Variants in TRAPPC9 observed in about 807,000 individuals in gnomAD.
TRAPPC9 encodes the protein trafficking protein particle complex subunit 9, also known as IKK2 binding protein.
A neutral mutation model predicts 124.0 loss-of-function variants in TRAPPC9; 83 were observed. That is an observed-to-expected ratio of 0.67 (90% CI 0.56 to 0.80). The LOEUF is 0.80. Ranked by LOEUF, TRAPPC9 falls within the 30% of genes least tolerant of loss-of-function variation. TRAPPC9 has a pLI of 0.00. For missense variants in TRAPPC9, 1,302 were observed against 1,508.3 expected (o/e 0.86, Z 2.27); for synonymous variants, 638 against 617.5 (o/e 1.03, Z -0.49).
intron 18 of TRAPPC9, among the ~76,000 whole-genome samples, chr8:140,005,578 C>A (rs1486429746): frequency 6.6e-6 from 1 of 152,052 alleles, no homozygotes; most frequent in Admixed American, 6.6e-5. Flanking sequence ...TCAATCAGCA[C>A]GGCTTATTGG....
chr8:140,314,302 G>T (rs1484219892), intron 9 of TRAPPC9, among the ~76,000 whole-genome samples: 4 of 152,038 alleles, frequency 2.6e-5, no homozygotes, highest in African/African-American at 7.2e-5. Flanking sequence ...TCCATTGATT[G>T]TTATCACATC....
intron 21 of TRAPPC9, among the ~76,000 whole-genome samples, chr8:139,756,711 A>T (rs1819831836): frequency 7.7e-6 from 1 of 130,274 alleles, no homozygotes; most frequent in Non-Finnish European, 1.6e-5. Context: ...GGCTTTGGGG[A>T]TGAGGACAGC....
chr8:139,882,752 T>G (rs1349635319), intron 21 of TRAPPC9, among the ~76,000 whole-genome samples: 1 of 152,186 alleles, frequency 6.6e-6, no homozygotes, highest in African/African-American at 2.4e-5. Flanking sequence ...CATCATCTCA[T>G]GTAATCCCTG....
In TRAPPC9 at chr8:140,104,892, T is replaced by C. The variant is rs555836025; in HGVS notation, c.2557-80813A>G. Among the ~76,000 whole-genome samples the C allele has an allele frequency of 6.6e-6, 1 of 152,350 alleles. No homozygotes were observed. Among genetic ancestry groups the C allele is most frequent in the Admixed American group, 6.5e-5 (1 of 15,310 alleles). ...GTGTTAATGGCGACATTTAACGACA[T>C]GGAGCTCCCTGAGTTGACTCTGCCT... On this transcript the variant is annotated intron_variant, in intron 17 of 22. Transcript: ENST00000438773. The surrounding 1 kb of genome is among the most constrained non-coding windows in gnomAD (Gnocchi z 4.0).
intron 5 of TRAPPC9, among the ~76,000 whole-genome samples, chr8:140,415,134 C>G (rs2069869258): frequency 6.6e-6 from 1 of 151,924 alleles, no homozygotes; most frequent in Non-Finnish European, 1.5e-5. Flanking sequence ...TCTCTTGAGC[C>G]CAGGAATTCT....
At chr8:139,869,608 C>G (rs1005404726) in intron 21 of TRAPPC9, among the ~76,000 whole-genome samples, 3 of 152,188 alleles carry the variant, frequency 2.0e-5, no homozygotes, top group Non-Finnish European at 4.4e-5. Context: ...ATTTTCAACT[C>G]AATACACTTA....
At chr8:139,808,353 C>T (rs1042054753) in intron 21 of TRAPPC9, among the ~76,000 whole-genome samples, 2 of 152,128 alleles carry the variant, frequency 1.3e-5, no homozygotes, top group African/African-American at 4.8e-5. Flanking sequence ...CCCAGCTACT[C>T]AAGGGGCTGA....
chr8:140,260,755 T>C (rs565648804), intron 15 of TRAPPC9, among the ~76,000 whole-genome samples: 2 of 152,276 alleles, frequency 1.3e-5, no homozygotes, highest in African/African-American at 4.8e-5. Flanking sequence ...TTAAGCAACT[T>C]ACCCAAAGCC....
chr8:140,062,573 C>G (rs1250610486), intron 17 of TRAPPC9, among the ~76,000 whole-genome samples: 1 of 152,182 alleles, frequency 6.6e-6, no homozygotes, highest in East Asian at 1.9e-4. Context: ...ACCCTCCTCA[C>G]TTCCTGTAAG....
At chr8:140,083,714 T>C (rs1844000054) in intron 17 of TRAPPC9, among the ~76,000 whole-genome samples, 1 of 152,158 alleles carries the variant, frequency 6.6e-6, no homozygotes, top group Non-Finnish European at 1.5e-5. Flanking sequence ...TCACCCAGGC[T>C]GGAGTGCAGT....
chr8:140,409,620 G>A (rs955954227), intron 5 of TRAPPC9, among the ~76,000 whole-genome samples: 3 of 152,196 alleles, frequency 2.0e-5, no homozygotes, highest in African/African-American at 7.2e-5. Flanking sequence ...CCACGCAGCT[G>A]TGAAAGTGGA....
chr8:139,759,722 C>A (rs1403071642), intron 21 of TRAPPC9, among the ~76,000 whole-genome samples: 3 of 152,140 alleles, frequency 2.0e-5, no homozygotes, highest in African/African-American at 4.8e-5. Context: ...CCTGGGGGGA[C>A]ACAAACTCTA....
At chr8:140,431,400 T>A (rs1212303201) in intron 4 of TRAPPC9, among the ~76,000 whole-genome samples, 1 of 151,806 alleles carries the variant, frequency 6.6e-6, no homozygotes, top group Non-Finnish European at 1.5e-5. Flanking sequence ...GAGGTTGCAG[T>A]GAGCTACTGC....
chr8:140,168,105 T>C (rs777551141), intron 17 of TRAPPC9, among the ~76,000 whole-genome samples: 4 of 152,220 alleles, frequency 2.6e-5, no homozygotes, highest in Non-Finnish European at 5.9e-5. Context: ...ATCAGGTAAC[T>C]TGCTCAATAA....
At chr8:139,981,432 C>T (rs979329796) in intron 19 of TRAPPC9, among the ~76,000 whole-genome samples, 8 of 152,156 alleles carry the variant, frequency 5.3e-5, no homozygotes, top group Admixed American at 1.3e-4. Context: ...AGAAAATCCA[C>T]GCAAAAACTC....
At chr8:139,859,325 C>T (rs1827991027) in intron 21 of TRAPPC9, among the ~76,000 whole-genome samples, 1 of 152,110 alleles carries the variant, frequency 6.6e-6, no homozygotes, top group Non-Finnish European at 1.5e-5. Flanking sequence ...CCTGCGCTTC[C>T]ATTTTTGGAT....
Position 139,764,399 on chromosome 8 carries a change from C to T in TRAPPC9, c.3056-32197G>A, listed in dbSNP as rs1278231046. ...CCTGAAGCAGTCCAGAAAGAAAGAC[C>T]AGGGAGCAGGGCAGGGCTGCAAAGC... is the stretch of plus-strand genomic sequence containing the variant. On this transcript the variant is annotated intron_variant, in intron 21 of 22. Coordinates refer to ENST00000438773, the MANE Select transcript of TRAPPC9 (RefSeq NM_001160372.4). 2.0e-5 allele frequency among the ~76,000 whole-genome samples: 3 copies of T among 152,094 alleles called. No individual in the cohort carries two copies. The East Asian group carries it at 5.8e-4, about 29-fold the overall frequency.
At chr8:140,359,112 C>T (rs1273337136) in intron 9 of TRAPPC9, among the ~76,000 whole-genome samples, 4 of 152,188 alleles carry the variant, frequency 2.6e-5, no homozygotes, top group Non-Finnish European at 5.9e-5. Flanking sequence ...GTCTGCAGGC[C>T]ACGGCAGTGC....
At chr8:140,050,468 A>G (rs1264447076) in intron 17 of TRAPPC9, among the ~76,000 whole-genome samples, 1 of 152,126 alleles carries the variant, frequency 6.6e-6, no homozygotes, top group Non-Finnish European at 1.5e-5. Context: ...TTGTGCCTCT[A>G]CCAGGTGAGA....
Sources: gnomAD v4.1 joint callset for allele counts (sites outside exome capture counted in the v4.1 genomes callset) on GRCh38, gnomAD v4.1.1 for gene constraint, Gnocchi (gnomAD v3.1) non-coding constraint, MANE v1.5 for transcripts, NCBI Gene and HGNC (gene_info 2026-07-23, HGNC 2026-07-21) for gene names.